CNST: variants seen among roughly 807,000 people sequenced by gnomAD.
CNST encodes the protein consortin, connexin sorting protein, also known as consortin.
CNST carries 39 observed loss-of-function variants against 72.4 expected under a neutral mutation model. The observed-to-expected ratio is 0.54, with a 90% CI of 0.42 to 0.70. CNST has a LOEUF of 0.70. Ranked by LOEUF, CNST falls within the 30% of genes least tolerant of loss-of-function variation. The pLI, the probability that CNST is intolerant of heterozygous loss-of-function variation, is 0.00. For missense variants in CNST, 871 were observed against 868.5 expected (o/e 1.00, Z -0.04); for synonymous variants, 332 against 320.1 (o/e 1.04, Z -0.40).
At chr1:246,662,971 G>A (rs1262020167) in intron 10 of CNST, among the ~76,000 whole-genome samples, 1 of 152,062 alleles carries the variant, frequency 6.6e-6, no homozygotes, top group Non-Finnish European at 1.5e-5. Flanking sequence ...TTAAATGTTT[G>A]GATTTGAATA....
chr1:246,659,409 T>C (rs6694570), intron 9 of CNST, among the ~76,000 whole-genome samples: 5 of 151,850 alleles, frequency 3.3e-5, no homozygotes, highest in Non-Finnish European at 7.4e-5. Flanking sequence ...CCTGGCTAAC[T>C]CGGTGAAACC....
At position 246,666,243 on chromosome 1, in the gene CNST, T is replaced by C. The variant is rs1035554636; in HGVS notation, c.*338T>C. 140 of 193,110 alleles carry C rather than the reference T, an allele frequency of 7.2e-4. 1 individual carries two copies. Among genetic ancestry groups the C allele is most frequent in the African/African-American group, 3.2e-3 (139 of 42,982 alleles). The allele number at this position is 193,110 out of a possible 1,614,324, so 12.0% of individuals were successfully genotyped here. Reference sequence around the variant, plus strand: ...ATTTTTAGCTACCTTGTCAAGCTAATGGTTAAAGAACACTTTTGGTTTACA... The same window carrying C: ...ATTTTTAGCTACCTTGTCAAGCTAACGGTTAAAGAACACTTTTGGTTTACA... On this transcript the variant is annotated 3_prime_UTR_variant, in exon 11 of 11. Coordinates refer to ENST00000366513, the MANE Select transcript of CNST (RefSeq NM_152609.3).
At chr1:246,610,792 C>T (rs187716145) in intron 2 of CNST, among the ~76,000 whole-genome samples, 82 of 152,140 alleles carry the variant, frequency 5.4e-4, no homozygotes, top group African/African-American at 1.8e-3. Context: ...AAGCGTGCGT[C>T]GTGTCCTGAG....
rs373396856 is a variant in CNST, at chr1:246,657,770, A to G, written c.1837-2429A>G. ...CTGCACTAGGACCAGCTCTAGGTTCAGTTGGCTCATTCTGTGCCTTTCCAG... is the reference window on the plus strand; with the variant it reads ...CTGCACTAGGACCAGCTCTAGGTTCGGTTGGCTCATTCTGTGCCTTTCCAG... On this transcript the variant is annotated intron_variant, in intron 9 of 10. Coordinates refer to ENST00000366513, the MANE Select transcript of CNST (RefSeq NM_152609.3). Among the ~76,000 whole-genome samples, 425 of 152,320 alleles carry G rather than the reference A, an allele frequency of 2.8e-3. 3 individuals are homozygous for G. Among genetic ancestry groups the G allele is most frequent in the African/African-American group, 9.8e-3 (407 of 41,578 alleles).
At chr1:246,586,918 A>G (rs551973878) in intron 1 of CNST, among the ~76,000 whole-genome samples, 1 of 152,190 alleles carries the variant, frequency 6.6e-6, no homozygotes. Flanking sequence ...AAAAATGATT[A>G]TAGTGGTTAA....
At chr1:246,604,088 C>T (rs1177595841) in intron 2 of CNST, among the ~76,000 whole-genome samples, 1 of 152,042 alleles carries the variant, frequency 6.6e-6, no homozygotes, top group Non-Finnish European at 1.5e-5. Context: ...AAAAACTAGC[C>T]GGGGGTGGTG....
At chr1:246,655,184 C>G (rs1321891586) in intron 9 of CNST, among the ~76,000 whole-genome samples, 1 of 152,168 alleles carries the variant, frequency 6.6e-6, no homozygotes, top group Non-Finnish European at 1.5e-5. Context: ...AATGCCTCAC[C>G]TAGAAACTTA....
intron 2 of CNST, among the ~76,000 whole-genome samples, chr1:246,613,696 C>T (rs2103064776): frequency 1.1e-3 from 1 of 870 alleles, no homozygotes; most frequent in East Asian, 0.01. Flanking sequence ...TCCCTCTCTC[C>T]CTCTTCCCGT....
chr1:246,602,217 A>C (rs1245968665), intron 2 of CNST, among the ~76,000 whole-genome samples: 1 of 152,190 alleles, frequency 6.6e-6, no homozygotes, highest in Non-Finnish European at 1.5e-5. Context: ...AAATTGAAGA[A>C]TTGTGCATGG....
chr1:246,647,572 G>C lies in CNST; in HGVS notation c.1371G>C (p.Arg457Ser). The change falls in exon 9 of 11, where the codon AGG becomes AGC. Residue 457 changes from arginine to serine, a missense_variant. Transcript: ENST00000366513. ...ISEGKYSQAQ[R>S]KELRLPLRDA... ...AGGGTAAATATTCACAGGCTCAGAG[G>C]AAAGAACTCCGTTTGCCACTTCGGG... is the stretch of plus-strand genomic sequence containing the variant. 6.2e-7 allele frequency: 1 copy of C among 1,614,188 alleles called. No individual in the cohort carries two copies. Among genetic ancestry groups the C allele is most frequent in the Non-Finnish European group, 8.5e-7 (1 of 1,180,034 alleles).
At chr1:246,600,034 G>T (rs1662165018) in intron 2 of CNST, among the ~76,000 whole-genome samples, 1 of 152,186 alleles carries the variant, frequency 6.6e-6, no homozygotes, top group Non-Finnish European at 1.5e-5. Context: ...AGTTAGAGAA[G>T]GTTGTCAGGA....
intron 3 of CNST, among the ~76,000 whole-genome samples, chr1:246,631,329 A>T (rs556618998): frequency 8.3e-4 from 127 of 152,352 alleles, no homozygotes; most frequent in African/African-American, 2.8e-3. Flanking sequence ...GTTAGTGCTC[A>T]GCCTGGCCTT....
At chr1:246,595,522 T>C (rs991713834) in intron 2 of CNST, among the ~76,000 whole-genome samples, 21 of 152,204 alleles carry the variant, frequency 1.4e-4, no homozygotes, top group African/African-American at 5.1e-4. Context: ...AGTTTATGCA[T>C]AGGAGTTTAG....
Position 246,566,561 on chromosome 1 carries a change from C to A in CNST, c.-154C>A. On this transcript the variant is annotated 5_prime_UTR_variant, in exon 1 of 11. Transcript: ENST00000366513. The stretch of plus-strand genomic sequence containing the variant: ...CTCCTCCACCGGAGCCAGGGGAGAC[C>A]CGAGCAAGCTCCGTGACAGCACGTC... 7.3e-6 allele frequency: 3 copies of A among 411,028 alleles called. No individual in the cohort carries two copies. Among genetic ancestry groups the A allele is most frequent in the Non-Finnish European group, 8.6e-6 (2 of 231,428 alleles). The allele number at this position is 411,028 out of a possible 1,614,324, so 25.5% of individuals were successfully genotyped here. A position where few individuals can be genotyped will look rare whatever the true frequency, so the allele number is the denominator to read the frequency against.
At chr1:246,573,141 A>G (rs559534225) in intron 1 of CNST, among the ~76,000 whole-genome samples, 1 of 152,226 alleles carries the variant, frequency 6.6e-6, no homozygotes, top group African/African-American at 2.4e-5. Flanking sequence ...TTTATTTTAA[A>G]TGATTTACAC....
At chr1:246,664,685 C>G (rs1024624611) in intron 10 of CNST, among the ~76,000 whole-genome samples, 1 of 152,024 alleles carries the variant, frequency 6.6e-6, no homozygotes, top group Non-Finnish European at 1.5e-5. Flanking sequence ...CTCAGCCTCC[C>G]AAAGTGCTGG....
Position 246,634,521 on chromosome 1 carries a change from A to G in CNST, c.752A>G (p.Asn251Ser), listed in dbSNP as rs147112975. Reference protein sequence around the residue: ...VQPHTVTALRNSEKGFNGEDF... With the variant: ...VQPHTVTALRSSEKGFNGEDF... ...CCACATACAGTTACGGCTCTAAGGAATTCAGAAAAGGGATTTAATGGTGAA... is the reference window on the plus strand; with the variant it reads ...CCACATACAGTTACGGCTCTAAGGAGTTCAGAAAAGGGATTTAATGGTGAA... The change falls in exon 6 of 11, where the codon AAT becomes AGT. Residue 251 changes from asparagine to serine, a missense_variant. Asn to Ser is a conservative substitution (Grantham distance 46). Coordinates refer to ENST00000366513, the MANE Select transcript of CNST (RefSeq NM_152609.3). The G allele has an allele frequency of 2.8e-3, 4,467 of 1,609,654 alleles. 12 individuals are homozygous for G. The highest frequency in any genetic ancestry group is 3.5e-3 in the Non-Finnish European group (4,176 of 1,179,118).
chr1:246,636,863 G>A (rs1665295026), intron 6 of CNST, among the ~76,000 whole-genome samples: 1 of 152,204 alleles, frequency 6.6e-6, no homozygotes, highest in African/African-American at 2.4e-5. Context: ...TATGGTGAGT[G>A]AAGGATTGTT....
intron 3 of CNST, among the ~76,000 whole-genome samples, chr1:246,627,598 G>C (rs1296078384): frequency 6.6e-6 from 1 of 152,240 alleles, no homozygotes; most frequent in Non-Finnish European, 1.5e-5. Context: ...CCAGGAAGGA[G>C]AGGGTAACCA....
Sources: gnomAD v4.1 joint callset for allele counts (sites outside exome capture counted in the v4.1 genomes callset) on GRCh38, gnomAD v4.1.1 for gene constraint, MANE v1.5 for transcripts, NCBI Gene and HGNC (gene_info 2026-07-23, HGNC 2026-07-21) for gene names.